Variants in SDCCAG8 observed in about 807,000 individuals in gnomAD.
SDCCAG8 encodes the protein serologically defined colon cancer antigen 8.
In SDCCAG8, 74 loss-of-function variants were observed where a neutral mutation model predicts 101.8. The ratio of observed to expected loss-of-function variants is 0.73; its 90% CI spans 0.60 to 0.88. The LOEUF (loss-of-function observed/expected upper bound fraction) is 0.88. Ranked by LOEUF, SDCCAG8 falls within the 40% of genes least tolerant of loss-of-function variation. The pLI is 0.00. For synonymous variants in SDCCAG8, 281 were observed against 292.9 expected, an observed-to-expected ratio of 0.96 and a Z score of 0.41; for missense variants, 787 against 822.6, an observed-to-expected ratio of 0.96 and a Z score of 0.53.
intron 4 of SDCCAG8, 88 bp downstream of exon 4, chr1:243,274,744 C>A: frequency 2.6e-6 from 2 of 782,782 alleles, no homozygotes; most frequent in Non-Finnish European, 2.2e-6. Context: ...TATAAATCTT[C>A]ATGTTTGTAG....
intron 17 of SDCCAG8, among the ~76,000 whole-genome samples, chr1:243,495,845 C>T (rs1332952152): frequency 6.6e-6 from 1 of 152,148 alleles, no homozygotes; most frequent in Non-Finnish European, 1.5e-5. Flanking sequence ...AGCTTAATTC[C>T]GTAGATATCA....
chr1:243,479,018 G>A (rs2148218366), intron 16 of SDCCAG8, among the ~76,000 whole-genome samples: 1 of 151,790 alleles, frequency 6.6e-6, no homozygotes, highest in South Asian at 2.1e-4. Context: ...ATGGGCTAGA[G>A]CGTGTTCCGG....
In SDCCAG8 at chr1:243,304,728, A is replaced by C; in HGVS notation, c.691A>C (p.Thr231Pro). 2 of 1,584,214 alleles carry C rather than the reference A, an allele frequency of 1.3e-6. No homozygotes were observed. The highest frequency in any genetic ancestry group is 1.1e-5 in the South Asian group (1 of 90,406). ...TTTTCTATAGGAGAAGCTAAAACTT[A>C]CTTATGAGGAAAAGTGTGAAATTGA... Reference protein sequence around the residue: ...EQLELEKLKLTYEEKCEIEES... With the variant: ...EQLELEKLKLPYEEKCEIEES... The change falls in exon 7 of 18, where the codon ACT (threonine) becomes CCT (proline). Residue 231 changes from threonine to proline, a missense_variant. Physicochemically the swap from Thr to Pro is conservative, Grantham distance 38. Transcript: ENST00000366541.
chr1:243,314,849 A>G (rs2073092778), intron 8 of SDCCAG8, among the ~76,000 whole-genome samples: 1 of 152,184 alleles, frequency 6.6e-6, no homozygotes, highest in African/African-American at 2.4e-5. Context: ...AGCTGGGACT[A>G]CAGGTGCGCA....
At chr1:243,438,534 G>T (rs1251597212) in intron 16 of SDCCAG8, among the ~76,000 whole-genome samples, 1 of 152,136 alleles carries the variant, frequency 6.6e-6, no homozygotes, top group Non-Finnish European at 1.5e-5. Flanking sequence ...GTGTGTGTGT[G>T]TGTGTGTGTG....
chr1:243,475,863 C>A, intron 16 of SDCCAG8: 1 of 854,728 alleles, frequency 1.2e-6, no homozygotes. Context: ...TCTTGCCACT[C>A]CTCAAAAAGC....
chr1:243,418,573 G>A (rs1365029492), intron 15 of SDCCAG8, among the ~76,000 whole-genome samples: 2 of 152,048 alleles, frequency 1.3e-5, no homozygotes, highest in Non-Finnish European at 2.9e-5. Flanking sequence ...TATTTTAATA[G>A]AACAGCCATC....
intron 2 of SDCCAG8, among the ~76,000 whole-genome samples, chr1:243,270,561 A>G (rs199866849): frequency 2.0e-5 from 3 of 152,198 alleles, no homozygotes; most frequent in East Asian, 1.9e-4. Flanking sequence ...TATTCTAGTT[A>G]TAATAACCTC....
At chr1:243,340,614 C>A (rs1330782370) in intron 10 of SDCCAG8, among the ~76,000 whole-genome samples, 3 of 152,198 alleles carry the variant, frequency 2.0e-5, no homozygotes, top group Non-Finnish European at 4.4e-5. Context: ...CAGTTGCTCT[C>A]TCTAAAGAAC....
intron 10 of SDCCAG8, among the ~76,000 whole-genome samples, chr1:243,332,766 G>A (rs905485386): frequency 1.3e-5 from 2 of 151,632 alleles, no homozygotes; most frequent in African/African-American, 4.9e-5. Context: ...TGTGGTCCGG[G>A]TCTGGAGGTG....
intron 13 of SDCCAG8, among the ~76,000 whole-genome samples, 199 bp downstream of exon 13, chr1:243,379,062 A>G (rs558351864): frequency 6.6e-6 from 1 of 152,328 alleles, no homozygotes; most frequent in Non-Finnish European, 1.5e-5. Flanking sequence ...TTACTGATAG[A>G]TTACAAAACC....
intron 16 of SDCCAG8, among the ~76,000 whole-genome samples, chr1:243,451,752 C>T (rs961406505): frequency 2.0e-5 from 3 of 152,060 alleles, no homozygotes; most frequent in Admixed American, 6.6e-5. Flanking sequence ...AGAGAAACCC[C>T]GTCTCTACAA....
At chr1:243,314,937 T>A (rs2073103309) in intron 8 of SDCCAG8, among the ~76,000 whole-genome samples, 1 of 152,218 alleles carries the variant, frequency 6.6e-6, no homozygotes, top group South Asian at 2.1e-4. Flanking sequence ...CTGGAACTCC[T>A]GACCTCAAGT....
At position 243,493,054 on chromosome 1, in the gene SDCCAG8, A is replaced by G. The variant is rs937417591; in HGVS notation, c.2112+3914A>G. On this transcript the variant is annotated intron_variant, in intron 17 of 17. Transcript: ENST00000366541. ...CTTGTGGAGAAACAGACACTGAAGC[A>G]CTAGCCCAGCTTTGCCTAGATGCAG... Among the ~76,000 whole-genome samples, 61 of 152,292 alleles carry G rather than the reference A, an allele frequency of 4.0e-4. 1 individual carries two copies. The highest frequency in any genetic ancestry group is 7.3e-5 in the Non-Finnish European group (5 of 68,028).
intron 16 of SDCCAG8, among the ~76,000 whole-genome samples, chr1:243,475,337 G>T (rs1355466458): frequency 6.6e-6 from 1 of 152,194 alleles, no homozygotes; most frequent in African/African-American, 2.4e-5. Flanking sequence ...TACCCAGCAG[G>T]TGCTCACCAG....
intron 4 of SDCCAG8, among the ~76,000 whole-genome samples, chr1:243,279,420 C>T (rs1178543560): frequency 6.6e-6 from 1 of 152,192 alleles, no homozygotes; most frequent in East Asian, 1.9e-4. Context: ...CTGGGAGCTA[C>T]AGCTCACTGC....
At chr1:243,418,141 A>G (rs2080735307) in intron 15 of SDCCAG8, 65 bp downstream of exon 15, 1 of 1,134,410 alleles carries the variant, frequency 8.8e-7, no homozygotes, top group Non-Finnish European at 1.3e-6. Context: ...TTTTCCTTAA[A>G]AAACATCATT....
intron 12 of SDCCAG8, among the ~76,000 whole-genome samples, chr1:243,347,794 A>G (rs2075806259): frequency 6.6e-6 from 1 of 152,182 alleles, no homozygotes; most frequent in Non-Finnish European, 1.5e-5. Context: ...ATGCAGAAAT[A>G]GAGTTTTTTT....
chr1:243,296,687 C>G (rs1420113279), intron 6 of SDCCAG8, among the ~76,000 whole-genome samples: 1 of 151,224 alleles, frequency 6.6e-6, no homozygotes, highest in African/African-American at 2.4e-5. Flanking sequence ...GGACTACAGG[C>G]GCCCGCCACT....
Sources: allele counts gnomAD v4.1 joint callset (sites outside exome capture counted in the v4.1 genomes callset), GRCh38; gene constraint gnomAD v4.1.1; transcripts MANE v1.5; gene names NCBI Gene and HGNC (gene_info 2026-07-23, HGNC 2026-07-21).